The following CEP57 variants were observed in gnomAD, a reference collection of about 807,000 sequenced individuals.
CEP57 encodes centrosomal protein of 57 kDa.
Under a neutral mutation model 68.0 loss-of-function variants are expected in CEP57, and 40 were observed. The observed-to-expected ratio is 0.59, with a 90% CI of 0.46 to 0.77. The LOEUF (loss-of-function observed/expected upper bound fraction) is 0.77, where lower values mean the gene tolerates loss of function less well. CEP57 is among the 30% of genes least tolerant of loss of function. CEP57 has a pLI of 0.00. For synonymous variants in CEP57, 219 were observed against 198.7 expected (o/e 1.10, Z -0.86); for missense variants, 606 against 580.7 (o/e 1.04, Z -0.45).
intron 8 of CEP57, among the ~76,000 whole-genome samples, chr11:95,823,539 A>G (rs1003314431): frequency 4.6e-5 from 7 of 151,520 alleles, no homozygotes; most frequent in African/African-American, 1.7e-4. Flanking sequence ...TTACTACCAT[A>G]AAATATACAC....
chr11:95,805,301 C>G (rs1452068138), intron 2 of CEP57, among the ~76,000 whole-genome samples: 4 of 152,042 alleles, frequency 2.6e-5, no homozygotes, highest in Admixed American at 6.6e-5. Context: ...AAGAATTGTT[C>G]CCTTTATTAT....
At chr11:95,792,105 A>C (rs534750724) in intron 1 of CEP57, among the ~76,000 whole-genome samples, 21 of 152,324 alleles carry the variant, frequency 1.4e-4, no homozygotes, top group African/African-American at 4.8e-4. Flanking sequence ...TTTCAGCCGA[A>C]TGGGAATTAG....
chr11:95,831,847 GTTAA>G lies in CEP57; in HGVS notation c.*594_*597del, dbSNP rs1863019698. The G allele has an allele frequency of 6.6e-6, 1 of 151,936 alleles. No individual in the cohort carries two copies. Among genetic ancestry groups the G allele is most frequent in the Non-Finnish European group, 1.5e-5 (1 of 67,926 alleles). 9.4% of individuals were successfully genotyped at this position (151,936 alleles called of 1,614,324 possible). ...GTGCACTTGTATTGCTTTTTAATCT[GTTAA>G]TTTTTTAAAGACCCAAGCAGTCATT... On this transcript the variant is annotated 3_prime_UTR_variant, in exon 11 of 11. Coordinates refer to ENST00000325542, the MANE Select transcript of CEP57 (RefSeq NM_014679.5).
upstream of CEP57, chr11:95,790,402 G>A: frequency 1.9e-6 from 1 of 516,506 alleles, no homozygotes; most frequent in Non-Finnish European, 3.5e-6. Context: ...GCGCTACCTT[G>A]TGACGTCACC....
intron 1 of CEP57, among the ~76,000 whole-genome samples, chr11:95,798,281 A>G (rs1238905280): frequency 6.6e-6 from 1 of 152,216 alleles, no homozygotes; most frequent in African/African-American, 2.4e-5. Context: ...GATTTTTAAC[A>G]TGGAAGTAAA....
chr11:95,804,269 T>C (rs973100108), intron 2 of CEP57, among the ~76,000 whole-genome samples: 1 of 152,160 alleles, frequency 6.6e-6, no homozygotes, highest in African/African-American at 2.4e-5. Context: ...CTTCATGTAA[T>C]ACTAAATAAA....
intron 6 of CEP57, among the ~76,000 whole-genome samples, chr11:95,819,327 G>C (rs1862428379): frequency 6.6e-6 from 1 of 152,180 alleles, no homozygotes; most frequent in Non-Finnish European, 1.5e-5. Flanking sequence ...AATAGCTATT[G>C]ACCCAGACCA....
rs1166264421 is a variant in CEP57, at chr11:95,790,622, G to A, written c.-77G>A. ...CAGCCTAGGGTCCCCGCTGGTGGGC[G>A]GCTCCCGAGTCTTGGAGAAGAGCAC... On this transcript the variant is annotated 5_prime_UTR_variant, in exon 1 of 11. Transcript: ENST00000325542. 1.9e-6 allele frequency: 3 copies of A among 1,554,084 alleles called. No individual in the cohort carries two copies. Among genetic ancestry groups the A allele is most frequent in the East Asian group, 2.3e-5 (1 of 42,920 alleles).
chr11:95,808,203 A>T (rs541519378), intron 2 of CEP57, among the ~76,000 whole-genome samples: 2 of 152,318 alleles, frequency 1.3e-5, no homozygotes, highest in South Asian at 4.1e-4. Flanking sequence ...GCCTTACAAG[A>T]TCTCCTGAAG....
chr11:95,821,778 T>C, intron 6 of CEP57, 93 bp from the exon 7 acceptor site: 1 of 823,620 alleles, frequency 1.2e-6, no homozygotes, highest in South Asian at 1.4e-5. Flanking sequence ...GATACTACCA[T>C]TGGTTTTTAC....
chr11:95,795,615 A>G (rs1861309735), intron 1 of CEP57: 1 of 482,310 alleles, frequency 2.1e-6, no homozygotes. Context: ...GTTTTCCACC[A>G]TTAAGTATGT....
At chr11:95,811,434 T>C (rs1258533490) in intron 2 of CEP57, among the ~76,000 whole-genome samples, 1 of 78,274 alleles carries the variant, frequency 1.3e-5, no homozygotes, top group Admixed American at 1.6e-4. Context: ...CTGTCGTGGG[T>C]TGGGGGGAGG....
intron 5 of CEP57, chr11:95,818,166 C>T: frequency 2.8e-6 from 1 of 362,132 alleles, no homozygotes; most frequent in Non-Finnish European, 5.2e-6. Flanking sequence ...AATCCCAGCA[C>T]TTTGGGAGGC....
chr11:95,824,378 G>A (rs1362299918), intron 8 of CEP57, among the ~76,000 whole-genome samples: 2 of 151,718 alleles, frequency 1.3e-5, no homozygotes, highest in Non-Finnish European at 2.9e-5. Context: ...GTGGATGCAG[G>A]ATTGCTATAA....
In CEP57 at chr11:95,817,240, G is replaced by A. The variant is rs184482410; in HGVS notation, c.505-547G>A. Among the ~76,000 whole-genome samples, 216 of 152,056 alleles carry A rather than the reference G, an allele frequency of 1.4e-3. 2 individuals are homozygous for A. Among genetic ancestry groups the A allele is most frequent in the African/African-American group, 4.8e-3 (201 of 41,472 alleles). ...AAATTAGCCGGGCGTGGTGGCGGGC[G>A]CCTATAGTCCCAGCTACTGGGGAGG... On this transcript the variant is annotated intron_variant, in intron 4 of 10. Transcript: ENST00000325542.
rs1365570193 is a variant in CEP57, at chr11:95,821,883, C to T, written c.712C>T (p.Leu238=). 6.2e-7 allele frequency: 1 copy of T among 1,610,000 alleles called. No homozygotes were observed. Among genetic ancestry groups the T allele is most frequent in the African/African-American group, 1.3e-5 (1 of 74,752 alleles). The change falls in exon 7 of 11, where the codon CTA becomes TTA. Residue 238 remains leucine (L), a synonymous_variant. Transcript: ENST00000325542. ...TCATTTTTCCTAGTTGCAGACTGGT[C>T]TAGAAACAAATAGACTTATCTTTGA... ...QAKAAELQTG[L]ETNRLIFEDK...
chr11:95,822,677 G>GTGCCTTTACCATTGTGTGGATCA, intron 8 of CEP57, 101 bp downstream of exon 8: 1 of 887,478 alleles, frequency 1.1e-6, no homozygotes, highest in Non-Finnish European at 1.9e-6. Context: ...ACATTTTTCT[G>GTGCCTTTACCATTGTGTGGATCA]TGCCTTTACC....
chr11:95,797,231 A>G (rs941940079), intron 1 of CEP57, among the ~76,000 whole-genome samples: 3 of 141,066 alleles, frequency 2.1e-5, no homozygotes, highest in Admixed American at 7.6e-5. Context: ...CAGTGGCCCA[A>G]TCTTGGCTCA....
chr11:95,811,040 A>G (rs1473460968), intron 2 of CEP57, among the ~76,000 whole-genome samples: 1 of 152,222 alleles, frequency 6.6e-6, no homozygotes, highest in Admixed American at 6.5e-5. Context: ...TTCCTCAAGT[A>G]TCTAGAACTA....
Sources: allele counts gnomAD v4.1 joint callset (sites outside exome capture counted in the v4.1 genomes callset), GRCh38; gene constraint gnomAD v4.1.1; transcripts MANE v1.5; gene names NCBI Gene and HGNC (gene_info 2026-07-23, HGNC 2026-07-21).